PPP2R2B: variants seen among roughly 807,000 people sequenced by gnomAD.
PPP2R2B encodes serine/threonine-protein phosphatase 2A 55 kDa regulatory subunit B beta isoform.
In PPP2R2B, 5 loss-of-function variants were observed where a neutral mutation model predicts 46.0. The observed-to-expected ratio is 0.11, with a 90% confidence interval of 0.06 to 0.23. The LOEUF (loss-of-function observed/expected upper bound fraction) is 0.23. PPP2R2B is among the 10% of genes least tolerant of loss of function. The probability of loss-of-function intolerance (pLI) is 1.00; values close to 1 mark genes in which losing one functional copy is unlikely to be tolerated. For missense variants in PPP2R2B, 367 were observed against 575.0 expected, an observed-to-expected ratio of 0.64 and a Z score of 3.70; for synonymous variants, 215 against 206.7, an observed-to-expected ratio of 1.04 and a Z score of -0.34.
intron 2 of PPP2R2B, among the ~76,000 whole-genome samples, 164 bp downstream of exon 2, chr5:146,877,838 G>T (rs1761986269): frequency 2.0e-5 from 3 of 152,182 alleles, no homozygotes; most frequent in Admixed American, 2.0e-4. Flanking sequence ...GCGGAGCCCG[G>T]ATGGATGCGA....
At chr5:146,785,713 T>C (rs1755792219) in intron 2 of PPP2R2B, among the ~76,000 whole-genome samples, 1 of 152,194 alleles carries the variant, frequency 6.6e-6, no homozygotes, top group African/African-American at 2.4e-5. Flanking sequence ...AGATAAGTTT[T>C]GGAAGTAAAT....
intron 2 of PPP2R2B, among the ~76,000 whole-genome samples, chr5:146,757,876 T>C (rs893030961): frequency 6.6e-6 from 1 of 152,138 alleles, no homozygotes; most frequent in Non-Finnish European, 1.5e-5. Context: ...GGGTTTAAAC[T>C]TCCATTTTCC....
chr5:147,042,112 C>A (rs1287145412), intron 1 of PPP2R2B, among the ~76,000 whole-genome samples: 1 of 152,160 alleles, frequency 6.6e-6, no homozygotes, highest in African/African-American at 2.4e-5. Flanking sequence ...CCACGTCTAT[C>A]ACCTTGTAAT....
chr5:146,663,677 A>G (rs918006016), intron 5 of PPP2R2B, among the ~76,000 whole-genome samples: 1 of 152,186 alleles, frequency 6.6e-6, no homozygotes, highest in Non-Finnish European at 1.5e-5. Context: ...GAAGTAAAAA[A>G]TACTTTTTGC....
At chr5:146,681,722 C>G (rs1373392280) in intron 5 of PPP2R2B, among the ~76,000 whole-genome samples, 7 of 152,138 alleles carry the variant, frequency 4.6e-5, no homozygotes, top group Non-Finnish European at 2.9e-5. Context: ...GTGACAAGAT[C>G]CTTACTTGCA....
chr5:146,726,110 A>G (rs1751845599), intron 2 of PPP2R2B, among the ~76,000 whole-genome samples: 1 of 152,086 alleles, frequency 6.6e-6, no homozygotes, highest in Admixed American at 6.6e-5. Flanking sequence ...GGCACTAAGG[A>G]GTTAAAGGGA....
intron 1 of PPP2R2B, among the ~76,000 whole-genome samples, chr5:147,050,643 T>C (rs1047733384): frequency 6.7e-6 from 1 of 148,622 alleles, no homozygotes; most frequent in East Asian, 2.0e-4. Context: ...AGGATAACAG[T>C]GTTGACCTTA....
chr5:146,838,141 G>GTAGA (rs2151362989), intron 2 of PPP2R2B, among the ~76,000 whole-genome samples: 1 of 152,246 alleles, frequency 6.6e-6, no homozygotes, highest in East Asian at 1.9e-4. Context: ...CTACAGCTTG[G>GTAGA]TAGACCCTGT....
intron 2 of PPP2R2B, among the ~76,000 whole-genome samples, chr5:146,830,988 C>T (rs993452960): frequency 6.6e-6 from 1 of 152,072 alleles, no homozygotes; most frequent in Non-Finnish European, 1.5e-5. Flanking sequence ...TGCCAGAGTG[C>T]AATGCATTAC....
intron 1 of PPP2R2B, among the ~76,000 whole-genome samples, chr5:146,985,515 T>C (rs567889425): frequency 6.6e-6 from 1 of 152,352 alleles, no homozygotes; most frequent in African/African-American, 2.4e-5. Flanking sequence ...CTATAATTTC[T>C]TCTAGCGGCT....
At chr5:146,781,795 C>T (rs998287327) in intron 2 of PPP2R2B, among the ~76,000 whole-genome samples, 4 of 152,082 alleles carry the variant, frequency 2.6e-5, no homozygotes, top group African/African-American at 9.7e-5. Context: ...AACTGAAAGT[C>T]AAATAAAGGA....
chr5:146,625,640 C>T (rs911220313), intron 7 of PPP2R2B, among the ~76,000 whole-genome samples: 2 of 151,968 alleles, frequency 1.3e-5, no homozygotes, highest in East Asian at 3.9e-4. Flanking sequence ...AGGAAGTCTT[C>T]CTGGAGGAAT....
rs1227842620 is a variant in PPP2R2B at position 146,581,342 on chromosome 5, C to T, written c.*8605G>A. The T allele has an allele frequency of 2.0e-5, 3 of 152,062 alleles. No individual in the cohort carries two copies. Among genetic ancestry groups the T allele is most frequent in the Non-Finnish European group, 2.9e-5 (2 of 68,020 alleles). 9.4% of individuals were successfully genotyped at this position (152,062 alleles called of 1,614,324 possible). A position where few individuals can be genotyped will look rare whatever the true frequency, so the allele number is the denominator to read the frequency against. On this transcript the variant is annotated 3_prime_UTR_variant, in exon 10 of 10. Coordinates refer to ENST00000394411, the MANE Select transcript of PPP2R2B (RefSeq NM_181675.4). ...GGAGGTTCTTCACACCTTTAAACAA[C>T]CAGATCTCGTGAGAACTTACTCACT... is the stretch of plus-strand genomic sequence containing the variant.
chr5:146,972,145 G>A (rs1166792859), intron 1 of PPP2R2B, among the ~76,000 whole-genome samples: 2 of 152,142 alleles, frequency 1.3e-5, no homozygotes, highest in Middle Eastern at 6.3e-3. Context: ...GTCCTGGTCA[G>A]TGGTTTGTAG....
chr5:146,993,331 C>G (rs1205463268), intron 1 of PPP2R2B, among the ~76,000 whole-genome samples: 1 of 152,126 alleles, frequency 6.6e-6, no homozygotes, highest in Non-Finnish European at 1.5e-5. Context: ...CAGCCTCTGC[C>G]TCCTAGGTTT....
At chr5:146,680,027 C>G (rs1273664242) in intron 5 of PPP2R2B, among the ~76,000 whole-genome samples, 2 of 149,530 alleles carry the variant, frequency 1.3e-5, no homozygotes, top group African/African-American at 2.5e-5. Context: ...CCATTTGACC[C>G]AGCCATCCCA....
upstream of PPP2R2B, among the ~76,000 whole-genome samples, chr5:147,059,644 G>A (rs933597543): frequency 1.3e-5 from 2 of 152,222 alleles, no homozygotes; most frequent in Non-Finnish European, 2.9e-5. Flanking sequence ...GAGTGTGGCA[G>A]AGCAGAGTCC....
intron 1 of PPP2R2B, among the ~76,000 whole-genome samples, chr5:146,978,277 G>A (rs1253289378): frequency 2.0e-5 from 3 of 151,986 alleles, no homozygotes; most frequent in Non-Finnish European, 2.9e-5. Context: ...TTAGCTCTTT[G>A]TCAGATGGAT....
chr5:146,726,279 CA>C (rs140993054), intron 2 of PPP2R2B, among the ~76,000 whole-genome samples: 2,946 of 152,168 alleles, frequency 0.019, 96 homozygotes, highest in African/African-American at 0.067. Flanking sequence ...CAATTTAAGC[CA>C]ACTAGGGAGT....
Sources: gnomAD v4.1 joint callset for allele counts (sites outside exome capture counted in the v4.1 genomes callset) on GRCh38, gnomAD v4.1.1 for gene constraint, MANE v1.5 for transcripts, NCBI Gene and HGNC (gene_info 2026-07-23, HGNC 2026-07-21) for gene names.